Variants in ZNF385D observed in about 807,000 individuals in gnomAD.
ZNF385D encodes zinc finger protein 659.
In ZNF385D, 15 loss-of-function variants were observed where a neutral mutation model predicts 35.8. The ratio of observed to expected loss-of-function variants is 0.42; its 90% confidence interval spans 0.28 to 0.64. The LOEUF (loss-of-function observed/expected upper bound fraction) is 0.64. Ranked by LOEUF, ZNF385D falls within the 30% of genes least tolerant of loss-of-function variation. ZNF385D has a pLI of 0.23. For synonymous variants in ZNF385D, 212 were observed against 186.8 expected (o/e 1.13, Z -1.10); for missense variants, 474 against 494.6 (o/e 0.96, Z 0.39).
At chr3:22,029,771 T>C (rs542822585) in intron 3 of ZNF385D, among the ~76,000 whole-genome samples, 129 of 152,294 alleles carry the variant, frequency 8.5e-4, no homozygotes, top group Non-Finnish European at 1.5e-3. Flanking sequence ...TGAAGGGTAG[T>C]TGTATTATGT....
chr3:21,649,214 T>C (rs1457119629), intron 2 of ZNF385D, among the ~76,000 whole-genome samples: 1 of 152,174 alleles, frequency 6.6e-6, no homozygotes, highest in East Asian at 1.9e-4. Context: ...TATATGACAT[T>C]ATATGTTTAT....
At chr3:21,728,818 T>C (rs1451940629) in intron 1 of ZNF385D, among the ~76,000 whole-genome samples, 1 of 152,218 alleles carries the variant, frequency 6.6e-6, no homozygotes, top group African/African-American at 2.4e-5. Flanking sequence ...TTTGCAGTCA[T>C]GGCACTTATT....
At chr3:22,245,801 C>A (rs926763106) in intron 2 of ZNF385D, among the ~76,000 whole-genome samples, 16 of 152,036 alleles carry the variant, frequency 1.1e-4, no homozygotes. Context: ...CCTGTCTTAT[C>A]AGGCAAGATG....
At chr3:21,868,529 T>A in intron 3 of ZNF385D, among the ~76,000 whole-genome samples, 1 of 152,092 alleles carries the variant, frequency 6.6e-6, no homozygotes, top group East Asian at 1.9e-4. Context: ...TAATAAGAAA[T>A]TCCTTCCTTC....
chr3:21,968,548 T>C (rs899375167), intron 3 of ZNF385D, among the ~76,000 whole-genome samples: 15 of 151,960 alleles, frequency 9.9e-5, no homozygotes, highest in African/African-American at 3.6e-4. Flanking sequence ...AAAGAGGACT[T>C]TGTCTTGCAT....
intron 3 of ZNF385D, among the ~76,000 whole-genome samples, chr3:21,546,137 A>G (rs913285985): frequency 5.9e-5 from 9 of 152,136 alleles, no homozygotes; most frequent in African/African-American, 2.2e-4. Flanking sequence ...CTTACCATAC[A>G]TCTGTCATTA....
chr3:21,590,558 T>G (rs2063945091), intron 2 of ZNF385D, among the ~76,000 whole-genome samples: 1 of 151,122 alleles, frequency 6.6e-6, no homozygotes, highest in African/African-American at 2.4e-5. Flanking sequence ...CCATAAAAAA[T>G]GAATTACATT....
intron 2 of ZNF385D, among the ~76,000 whole-genome samples, chr3:22,220,459 A>G (rs1007370276): frequency 2.0e-5 from 3 of 152,162 alleles, no homozygotes; most frequent in African/African-American, 7.2e-5. Context: ...TCAACTGGCA[A>G]TATCACAGCT....
At chr3:21,466,682 A>G (rs1391003931) in intron 4 of ZNF385D, among the ~76,000 whole-genome samples, 1 of 152,174 alleles carries the variant, frequency 6.6e-6, no homozygotes, top group Non-Finnish European at 1.5e-5. Context: ...CATGGCATTC[A>G]TAAGTCACAC....
intron 3 of ZNF385D, among the ~76,000 whole-genome samples, chr3:21,807,774 A>G (rs186654930): frequency 6.6e-6 from 1 of 152,294 alleles, no homozygotes; most frequent in East Asian, 1.9e-4. Context: ...TCTATTTTTC[A>G]ATGGCATCTT....
At position 21,941,490 on chromosome 3, in the gene ZNF385D, CTTTTTTTTTT is replaced by C. The variant is rs531693623; in HGVS notation, c.325+227317_325+227326del. On this transcript the variant is annotated intron_variant, in intron 3 of 5. Transcript: ENST00000494108. ...CTTTTTCCATTTTAATTCCATTACT[CTTTTTTTTTT>C]TTTTTTTTTTTTTTTGAGATGGAGT... Among the ~76,000 whole-genome samples the C allele has an allele frequency of 1.4e-4, 9 of 63,622 alleles. No individual in the cohort carries two copies. In the East Asian group the frequency reaches 4.2e-3, roughly 29 times the overall value. 41.7% of individuals were successfully genotyped at this position (63,622 alleles called of 152,430 possible).
At chr3:22,030,877 C>T (rs957360276) in intron 3 of ZNF385D, among the ~76,000 whole-genome samples, 2 of 152,136 alleles carry the variant, frequency 1.3e-5, no homozygotes, top group Non-Finnish European at 2.9e-5. Flanking sequence ...TAGTTATTTC[C>T]AAGACACAGT....
intron 3 of ZNF385D, among the ~76,000 whole-genome samples, chr3:21,945,568 C>A (rs1182003853): frequency 6.6e-6 from 1 of 152,260 alleles, no homozygotes; most frequent in East Asian, 1.9e-4. Flanking sequence ...AAGAAGATGA[C>A]ATAAAGTAGG....
chr3:21,446,132 C>T (rs1237972873), intron 4 of ZNF385D, among the ~76,000 whole-genome samples: 1 of 152,192 alleles, frequency 6.6e-6, no homozygotes. Context: ...TGAATATTTG[C>T]ATTTCTAACA....
chr3:21,977,281 G>C (rs1028761218), intron 3 of ZNF385D, among the ~76,000 whole-genome samples: 2 of 152,050 alleles, frequency 1.3e-5, no homozygotes, highest in Admixed American at 1.3e-4. Flanking sequence ...GTACACTTAT[G>C]ATTTGTGTTT....
chr3:21,785,784 A>G (rs533606816), intron 3 of ZNF385D, among the ~76,000 whole-genome samples: 1 of 152,346 alleles, frequency 6.6e-6, no homozygotes, highest in South Asian at 2.1e-4. Flanking sequence ...GAAAATTTGA[A>G]GGTAAATAGG....
At chr3:22,233,955 A>G (rs907159329) in intron 2 of ZNF385D, among the ~76,000 whole-genome samples, 1 of 152,054 alleles carries the variant, frequency 6.6e-6, no homozygotes, top group East Asian at 1.9e-4. Flanking sequence ...CCACTCTTCT[A>G]TCTCCTAATC....
intron 2 of ZNF385D, among the ~76,000 whole-genome samples, chr3:22,193,147 T>C (rs888266803): frequency 5.3e-5 from 8 of 152,176 alleles, no homozygotes; most frequent in African/African-American, 1.9e-4. Context: ...TAATAATTCC[T>C]TCTTATGAAT....
At chr3:21,519,026 C>A (rs755082814) in intron 3 of ZNF385D, among the ~76,000 whole-genome samples, 1 of 151,990 alleles carries the variant, frequency 6.6e-6, no homozygotes, top group Non-Finnish European at 1.5e-5. Flanking sequence ...TAAGGGTATT[C>A]TTTTGAGCTC....
Sources: gnomAD v4.1 joint callset for allele counts (sites outside exome capture counted in the v4.1 genomes callset) on GRCh38, gnomAD v4.1.1 for gene constraint, MANE v1.5 for transcripts, NCBI Gene and HGNC (gene_info 2026-07-23, HGNC 2026-07-21) for gene names.